Variants in SLC16A7 observed in about 807,000 individuals in gnomAD.
The protein encoded by SLC16A7 is solute carrier family 16 member 7, also known as monocarboxylate transporter 2.
SLC16A7 carries 33 observed loss-of-function variants against 34.9 expected under a neutral mutation model. The observed-to-expected ratio is 0.94, with a 90% CI of 0.72 to 1.26. The LOEUF is 1.26. SLC16A7 is among the 50% of genes most tolerant of loss of function. SLC16A7 has a pLI of 0.00. For synonymous variants in SLC16A7, 201 were observed against 206.6 expected (o/e 0.97, Z 0.23); for missense variants, 573 against 578.1 (o/e 0.99, Z 0.09).
At chr12:59,735,988 G>T in intron 3 of SLC16A7, 1 of 983,596 alleles carries the variant, frequency 1.0e-6, no homozygotes, top group Non-Finnish European at 1.4e-6. Flanking sequence ...ATCTACTTGA[G>T]GTAACAAGAT....
At chr12:59,642,824 T>C (rs138237306) in intron 1 of SLC16A7, among the ~76,000 whole-genome samples, 1 of 152,110 alleles carries the variant, frequency 6.6e-6, no homozygotes, top group African/African-American at 2.4e-5. Flanking sequence ...CCATAATTGT[T>C]GTGAAGAATT....
intron 1 of SLC16A7, among the ~76,000 whole-genome samples, chr12:59,637,499 G>C (rs1880483950): frequency 6.6e-6 from 1 of 151,392 alleles, no homozygotes; most frequent in South Asian, 2.1e-4. Context: ...TGTAGGGTTA[G>C]AAAGGTGTGA....
chr12:59,741,783 C>T (rs994744537), intron 3 of SLC16A7, among the ~76,000 whole-genome samples: 16 of 152,102 alleles, frequency 1.1e-4, no homozygotes, highest in South Asian at 2.1e-4. Flanking sequence ...AGTGTGTGTT[C>T]AATGTTCACT....
chr12:59,671,643 T>G (rs1869695256), intron 2 of SLC16A7, among the ~76,000 whole-genome samples: 1 of 150,824 alleles, frequency 6.6e-6, no homozygotes, highest in South Asian at 2.1e-4. Context: ...TGTGTCCCTT[T>G]GACTACAGTG....
intron 3 of SLC16A7, among the ~76,000 whole-genome samples, chr12:59,750,158 A>G (rs1365104931): frequency 6.6e-6 from 1 of 152,218 alleles, no homozygotes; most frequent in Non-Finnish European, 1.5e-5. Context: ...GGCATAGGCA[A>G]AGACTTCATG....
intron 1 of SLC16A7, among the ~76,000 whole-genome samples, chr12:59,648,304 T>C (rs1452652431): frequency 6.6e-6 from 1 of 152,186 alleles, no homozygotes; most frequent in Non-Finnish European, 1.5e-5. Context: ...AATAATTGCA[T>C]AGTCCATTCC....
At chr12:59,733,769 G>A (rs1342519022) in intron 3 of SLC16A7, 15 of 455,904 alleles carry the variant, frequency 3.3e-5, no homozygotes, top group Non-Finnish European at 5.3e-5. Context: ...ATGGACAACC[G>A]GAGAGCGAGC....
At chr12:59,646,907 C>T (rs906277319) in intron 1 of SLC16A7, among the ~76,000 whole-genome samples, 5 of 152,142 alleles carry the variant, frequency 3.3e-5, no homozygotes, top group Non-Finnish European at 4.4e-5. Context: ...GGATTTCAGA[C>T]TTGCATGGGC....
At position 59,596,407 on chromosome 12, in the gene SLC16A7, C is replaced by T. The variant is rs1038397509; in HGVS notation, c.-130+171C>T. ...CCAACGCAGAGTTGGCCAGCGAGCC[C>T]TTATATAGACAAAAAAATCCCGAAG... On this transcript the variant is annotated intron_variant, in intron 1 of 5. Coordinates refer to ENST00000547379, the MANE Select transcript of SLC16A7 (RefSeq NM_001270623.2). This position sits in a 1 kb window ranked among gnomAD's most constrained non-coding sequence, Gnocchi z 5.0. Among the ~76,000 whole-genome samples, 3 of 151,968 alleles carry T rather than the reference C, an allele frequency of 2.0e-5. No homozygotes were observed. The highest frequency in any genetic ancestry group is 7.3e-5 in the African/African-American group (3 of 41,296).
intron 3 of SLC16A7, among the ~76,000 whole-genome samples, chr12:59,734,497 T>C (rs1157908271): frequency 2.6e-5 from 4 of 152,214 alleles, no homozygotes; most frequent in African/African-American, 9.6e-5. Context: ...TCTGGAGCCA[T>C]GGCTAGGCAG....
chr12:59,639,530 C>A (rs1427143754), intron 1 of SLC16A7, among the ~76,000 whole-genome samples: 4 of 152,026 alleles, frequency 2.6e-5, no homozygotes, highest in Non-Finnish European at 5.9e-5. Flanking sequence ...ACGAGAGATG[C>A]AAGCCACCAT....
At chr12:59,670,249 A>G (rs1193747238) in intron 2 of SLC16A7, among the ~76,000 whole-genome samples, 1 of 152,154 alleles carries the variant, frequency 6.6e-6, no homozygotes. Flanking sequence ...TCTGTCATAC[A>G]GGATAAAAGC....
intron 3 of SLC16A7, among the ~76,000 whole-genome samples, chr12:59,740,564 A>G (rs1878199093): frequency 6.6e-6 from 1 of 152,214 alleles, no homozygotes; most frequent in South Asian, 2.1e-4. Context: ...CGTATCTCAA[A>G]ATAATAAGAG....
chr12:59,614,881 T>G (rs555539750), intron 1 of SLC16A7, among the ~76,000 whole-genome samples: 22 of 146,070 alleles, frequency 1.5e-4, no homozygotes, highest in Admixed American at 6.2e-4. Context: ...TGGGCACCTG[T>G]AGTCCCAGCT....
intron 1 of SLC16A7, among the ~76,000 whole-genome samples, chr12:59,602,468 T>A (rs1426884541): frequency 2.7e-5 from 4 of 148,716 alleles, no homozygotes; most frequent in Non-Finnish European, 5.9e-5. Flanking sequence ...TTCCCCAGTT[T>A]GTGTTTTGGG....
chr12:59,736,037 G>A, intron 3 of SLC16A7: 1 of 451,134 alleles, frequency 2.2e-6, no homozygotes, highest in South Asian at 2.3e-5. Flanking sequence ...GTTTTAATAA[G>A]AACTCAGGGA....
intron 3 of SLC16A7, among the ~76,000 whole-genome samples, chr12:59,755,912 T>C (rs1880273665): frequency 6.6e-6 from 1 of 152,074 alleles, no homozygotes; most frequent in African/African-American, 2.4e-5. Flanking sequence ...AACAGAGATA[T>C]AGATCAATGG....
rs765652650 is a variant in SLC16A7 at position 59,775,004 on chromosome 12, T to G, written c.709T>G (p.Leu237Val). Residue 237 changes from leucine (L) to valine (V), a missense_variant, in exon 5 of 6, where the codon TTA becomes GTA. By Grantham distance (32) the Leu-to-Val change is conservative. Transcript: ENST00000547379. ...AACTTGGGAAAAAGTTAATAAGTAT[T>G]TAGATTTCTCCCTTTTTAAGCATAG... ...KSTWEKVNKY[L>V]DFSLFKHRGF... The G allele has an allele frequency of 6.8e-6, 11 of 1,613,572 alleles. No individual in the cohort carries two copies. In the South Asian group the frequency reaches 1.2e-4, roughly 18 times the overall value.
chr12:59,617,751 G>A (rs1489398207), intron 1 of SLC16A7, among the ~76,000 whole-genome samples: 4 of 151,906 alleles, frequency 2.6e-5, no homozygotes, highest in African/African-American at 9.7e-5. Context: ...CTAAGGTCTG[G>A]CCTAATCGAC....
Sources: gnomAD v4.1 joint callset for allele counts (sites outside exome capture counted in the v4.1 genomes callset) on GRCh38, gnomAD v4.1.1 for gene constraint, Gnocchi (gnomAD v3.1) non-coding constraint, MANE v1.5 for transcripts, NCBI Gene and HGNC (gene_info 2026-07-23, HGNC 2026-07-21) for gene names.